DNAH14: variants seen among roughly 807,000 people sequenced by gnomAD.
DNAH14 encodes axonemal beta dynein heavy chain 14.
Under a neutral mutation model 520.9 loss-of-function variants are expected in DNAH14, and 478 were observed. The observed-to-expected ratio is 0.92, with a 90% CI of 0.85 to 0.99. The LOEUF (loss-of-function observed/expected upper bound fraction) is 0.99, where lower values mean the gene tolerates loss of function less well. DNAH14 is among the 50% of genes least tolerant of loss of function. The pLI, the probability that DNAH14 is intolerant of heterozygous loss-of-function variation, is 0.00. For synonymous variants in DNAH14, 1,581 were observed against 1,757.2 expected (o/e 0.90, Z 2.51); for missense variants, 4,831 against 5,234.5 (o/e 0.92, Z 2.38).
intron 71 of DNAH14, among the ~76,000 whole-genome samples, chr1:225,346,927 A>G (rs1339023923): frequency 6.6e-6 from 1 of 152,216 alleles, no homozygotes; most frequent in African/African-American, 2.4e-5. Context: ...GGATACCTTC[A>G]GGAGTTAAAC....
chr1:225,240,878 C>T (rs2091924205), intron 43 of DNAH14, 56 bp downstream of exon 43: 1 of 1,224,314 alleles, frequency 8.2e-7, no homozygotes, highest in Non-Finnish European at 1.1e-6. Flanking sequence ...TAATTTAAAG[C>T]AATGCTTGGC....
chr1:225,197,863 T>C (rs2086356946), intron 38 of DNAH14, among the ~76,000 whole-genome samples: 1 of 152,224 alleles, frequency 6.6e-6, no homozygotes, highest in Admixed American at 6.5e-5. Flanking sequence ...ATAGAAGAGC[T>C]ACTGATTTGC....
intron 60 of DNAH14, among the ~76,000 whole-genome samples, chr1:225,313,361 G>C (rs953490614): frequency 2.0e-5 from 3 of 151,666 alleles, no homozygotes; most frequent in Non-Finnish European, 4.4e-5. Flanking sequence ...CTGGCTAGTG[G>C]TCTATTTTGT....
intron 1 of DNAH14, among the ~76,000 whole-genome samples, chr1:224,951,644 ATTTTTTTTTTT>A (rs67437504): frequency 3.7e-5 from 3 of 80,154 alleles, no homozygotes; most frequent in African/African-American, 1.1e-4. Flanking sequence ...AGATTTCTGG[ATTTTTTTTTTT>A]TTTTTTTTTT....
chr1:225,167,797 C>A, intron 35 of DNAH14, 142 bp from the exon 36 acceptor site: 1 of 470,028 alleles, frequency 2.1e-6, no homozygotes, highest in Non-Finnish European at 3.8e-6. Context: ...TTCTCAGAGA[C>A]AGAGGTTGGT....
chr1:225,119,338 A>G, intron 26 of DNAH14, 44 bp downstream of exon 26: 1 of 1,321,056 alleles, frequency 7.6e-7, no homozygotes, highest in Non-Finnish European at 1.0e-6. Context: ...TTTTATATAT[A>G]TACTTGCACA....
chr1:225,242,636 A>G (rs1456877706), intron 43 of DNAH14, among the ~76,000 whole-genome samples: 9 of 152,200 alleles, frequency 5.9e-5, no homozygotes, highest in Non-Finnish European at 1.3e-4. Context: ...GCTGTTTTAC[A>G]GTTAATTTTA....
intron 27 of DNAH14, among the ~76,000 whole-genome samples, chr1:225,127,345 G>T (rs1285735487): frequency 3.3e-5 from 5 of 151,688 alleles, no homozygotes; most frequent in Admixed American, 3.3e-4. Flanking sequence ...GGGAGTCTAA[G>T]TCTCTTTGTA....
intron 73 of DNAH14, 117 bp downstream of exon 73, chr1:225,354,005 G>A (rs564384601): frequency 3.5e-5 from 24 of 692,300 alleles, no homozygotes; most frequent in Middle Eastern, 3.0e-4. Context: ...AGTACATTTC[G>A]TGAACGTTAA....
Position 224,967,437 on chromosome 1 carries a change from T to C in DNAH14, c.505T>C (p.Leu169=). Residue 169 remains leucine, a synonymous_variant, in exon 6 of 86, where the codon TTG becomes CTG. Transcript: ENST00000682510. ...AIQKITLKKP[L]EDDGEFVYCL... is the part of the protein sequence containing the mutation. ...ATTTTTTTTTTAATCTCAGAAACCTTTGGAAGATGATGGAGAATTTGTTTA... is the reference window on the plus strand; with the variant it reads ...ATTTTTTTTTTAATCTCAGAAACCTCTGGAAGATGATGGAGAATTTGTTTA... 2 of 1,547,096 alleles carry C rather than the reference T, an allele frequency of 1.3e-6. No homozygotes were observed. The highest frequency in any genetic ancestry group is 1.7e-6 in the Non-Finnish European group (2 of 1,155,564).
At chr1:225,124,342 C>T (rs568213349) in intron 27 of DNAH14, among the ~76,000 whole-genome samples, 10 of 152,192 alleles carry the variant, frequency 6.6e-5, no homozygotes, top group Non-Finnish European at 1.3e-4. Flanking sequence ...GCGTGCGATG[C>T]TTTCTGCTAG....
At chr1:225,110,479 G>C (rs1171233256) in intron 23 of DNAH14, among the ~76,000 whole-genome samples, 1 of 151,560 alleles carries the variant, frequency 6.6e-6, no homozygotes, top group Non-Finnish European at 1.5e-5. Context: ...GCTCATAGTA[G>C]TCTCTAGTGA....
chr1:225,151,336 T>TGG (rs143201068), intron 31 of DNAH14, among the ~76,000 whole-genome samples: 3 of 151,396 alleles, frequency 2.0e-5, no homozygotes, highest in South Asian at 2.1e-4. Context: ...TAGTTGGGGG[T>TGG]GGGGGGGTCA....
intron 8 of DNAH14, among the ~76,000 whole-genome samples, chr1:224,985,115 G>A (rs2062539825): frequency 6.6e-6 from 1 of 152,044 alleles, no homozygotes; most frequent in South Asian, 2.1e-4. Context: ...CCCACTACTG[G>A]GTATCTACCT....
intron 51 of DNAH14, 128 bp from the exon 52 acceptor site, chr1:225,272,827 T>G: frequency 1.1e-6 from 1 of 945,434 alleles, no homozygotes; most frequent in Admixed American, 3.3e-5. Context: ...TTGTAGAAAT[T>G]CACAATTCTT....
At chr1:225,106,464 C>T (rs943213375) in intron 23 of DNAH14, among the ~76,000 whole-genome samples, 33 of 152,120 alleles carry the variant, frequency 2.2e-4, no homozygotes, top group Non-Finnish European at 4.3e-4. Context: ...TGGATAATAT[C>T]CTGCAGAGTG....
At chr1:225,242,737 C>G (rs557779727) in intron 43 of DNAH14, among the ~76,000 whole-genome samples, 3 of 152,220 alleles carry the variant, frequency 2.0e-5, no homozygotes, top group Admixed American at 1.3e-4. Flanking sequence ...TCATCATTAT[C>G]AAAGATTATG....
rs1355739436 is a variant in DNAH14, at chr1:225,153,768, T to A, written c.5215T>A (p.Leu1739Met). ...TTGATAGGATCATTATAATTTTGGC[T>A]TGAGATCTCTGAAGATAGTTTTAAT... is the stretch of plus-strand genomic sequence containing the variant. ...LSQQDHYNFGLRSLKIVLIMA... is the reference protein window; with the variant it reads ...LSQQDHYNFGMRSLKIVLIMA... Residue 1739 changes from leucine to methionine, a missense_variant, in exon 34 of 86, where the codon TTG (leucine) becomes ATG (methionine). Physicochemically the swap from Leu to Met is conservative, Grantham distance 15. Transcript: ENST00000682510. The A allele has an allele frequency of 6.5e-7, 1 of 1,548,716 alleles. No homozygotes were observed. Among genetic ancestry groups the A allele is most frequent in the Admixed American group, 2.0e-5 (1 of 50,846 alleles).
chr1:225,337,955 A>C, intron 67 of DNAH14, 106 bp from the exon 68 acceptor site: 4 of 1,143,120 alleles, frequency 3.5e-6, no homozygotes, highest in Non-Finnish European at 4.8e-6. Flanking sequence ...ACTAGGTCTT[A>C]TTCATTCTTT....
Sources: gnomAD v4.1 joint callset for allele counts (sites outside exome capture counted in the v4.1 genomes callset) on GRCh38, gnomAD v4.1.1 for gene constraint, MANE v1.5 for transcripts, NCBI Gene and HGNC (gene_info 2026-07-23, HGNC 2026-07-21) for gene names.